Variants in IMMP2L observed in about 807,000 individuals in gnomAD.
The protein encoded by IMMP2L is mitochondrial inner membrane protease subunit 2.
In IMMP2L, 18 loss-of-function variants were observed where a neutral mutation model predicts 19.3. That is an observed-to-expected ratio of 0.93 (90% CI 0.64 to 1.38). The LOEUF is 1.38. Ranked by LOEUF, IMMP2L falls within the 40% of genes most tolerant of loss-of-function variation. The pLI, the probability that IMMP2L is intolerant of heterozygous loss-of-function variation, is 0.00. For synonymous variants in IMMP2L, 76 were observed against 73.0 expected (o/e 1.04, Z -0.21); for missense variants, 233 against 218.2 (o/e 1.07, Z -0.43).
chr7:110,758,492 T>A lies in IMMP2L; in HGVS notation c.409-94771A>T, dbSNP rs576404529. 2.0e-5 allele frequency among the ~76,000 whole-genome samples: 3 copies of A among 152,184 alleles called. No homozygotes were observed. The East Asian group carries it at 5.8e-4, about 30-fold the overall frequency. On this transcript the variant is annotated intron_variant, in intron 5 of 5. Transcript: ENST00000405709. The surrounding 1 kb of genome is among the most constrained non-coding windows in gnomAD (Gnocchi z 4.6). ...GAGCATAAGAATTGCTAAAGCCATG[T>A]CCTTGTAGGTGAAAGGGGATGAGTC...
At chr7:111,450,143 A>G (rs1324718186) in intron 3 of IMMP2L, among the ~76,000 whole-genome samples, 1 of 151,722 alleles carries the variant, frequency 6.6e-6, no homozygotes, top group East Asian at 1.9e-4. Flanking sequence ...GCCCAAGGTA[A>G]TTTACAGATT....
At chr7:111,103,097 C>T (rs185024019) in intron 3 of IMMP2L, among the ~76,000 whole-genome samples, 6 of 151,522 alleles carry the variant, frequency 4.0e-5, no homozygotes, top group Admixed American at 2.0e-4. Context: ...TAGCATTTTG[C>T]GTGAGTACTA....
chr7:110,833,625 TAGA>T (rs1187579638), intron 5 of IMMP2L, among the ~76,000 whole-genome samples: 1 of 152,124 alleles, frequency 6.6e-6, no homozygotes, highest in Non-Finnish European at 1.5e-5. Flanking sequence ...AGTTCAATAT[TAGA>T]AGACGATTTA....
At chr7:111,438,232 T>C (rs530982988) in intron 3 of IMMP2L, among the ~76,000 whole-genome samples, 7 of 151,692 alleles carry the variant, frequency 4.6e-5, no homozygotes, top group African/African-American at 1.7e-4. Context: ...TAGACACATA[T>C]CAATTATTTT....
At chr7:111,300,547 A>G (rs1822112361) in intron 3 of IMMP2L, among the ~76,000 whole-genome samples, 1 of 152,058 alleles carries the variant, frequency 6.6e-6, no homozygotes, top group South Asian at 2.1e-4. Flanking sequence ...ACACAGTCAA[A>G]ATATAAAACA....
At chr7:110,816,806 T>C (rs1562995262) in intron 5 of IMMP2L, among the ~76,000 whole-genome samples, 1 of 151,910 alleles carries the variant, frequency 6.6e-6, no homozygotes, top group Non-Finnish European at 1.5e-5. Context: ...TTTTTTTGTT[T>C]TCCATTTGCT....
intron 3 of IMMP2L, among the ~76,000 whole-genome samples, chr7:111,203,743 C>T (rs894442476): frequency 1.4e-5 from 2 of 148,124 alleles, no homozygotes; most frequent in African/African-American, 5.0e-5. Context: ...TACAACAAAT[C>T]AAAAAAACAA....
chr7:111,263,318 G>C (rs1348402351), intron 3 of IMMP2L, among the ~76,000 whole-genome samples: 1 of 152,054 alleles, frequency 6.6e-6, no homozygotes, highest in Non-Finnish European at 1.5e-5. Context: ...TCTGAAGAAA[G>C]AACCAAAAGG....
At chr7:111,543,127 C>T (rs745638976) in intron 1 of IMMP2L, among the ~76,000 whole-genome samples, 4 of 152,082 alleles carry the variant, frequency 2.6e-5, no homozygotes, top group Non-Finnish European at 4.4e-5. Context: ...ACTAGAAAAA[C>T]ATTTTACAGT....
Position 111,087,174 on chromosome 7 carries a change from G to C in IMMP2L, c.240-123609C>G, listed in dbSNP as rs1036072306. Among the ~76,000 whole-genome samples the C allele has an allele frequency of 5.9e-5, 9 of 152,238 alleles. No individual in the cohort carries two copies. The East Asian group carries it at 1.7e-3, about 29-fold the overall frequency. On this transcript the variant is annotated intron_variant, in intron 3 of 5. Transcript: ENST00000405709. ...AGGTAAAAATATCTATCTTTGCCGG[G>C]CGCGGTGGCTCACGCCTGTAATCTC...
intron 5 of IMMP2L, among the ~76,000 whole-genome samples, chr7:110,859,509 G>A (rs759573420): frequency 4.6e-5 from 7 of 151,738 alleles, no homozygotes; most frequent in Non-Finnish European, 7.4e-5. Flanking sequence ...TTGGGAGGCC[G>A]AGGCAGGCAG....
chr7:110,737,350 G>A (rs2130849951), intron 5 of IMMP2L, among the ~76,000 whole-genome samples: 1 of 152,324 alleles, frequency 6.6e-6, no homozygotes, highest in Non-Finnish European at 1.5e-5. Flanking sequence ...GTGGGAATGA[G>A]ACCAGCCTTT....
At chr7:111,015,708 T>C (rs1464372485) in intron 3 of IMMP2L, among the ~76,000 whole-genome samples, 9 of 152,092 alleles carry the variant, frequency 5.9e-5, no homozygotes, top group Non-Finnish European at 1.3e-4. Context: ...TGCTAATAGG[T>C]AGAGGGTTTC....
At chr7:110,915,294 AG>A (rs930552696) in intron 4 of IMMP2L, among the ~76,000 whole-genome samples, 3 of 152,222 alleles carry the variant, frequency 2.0e-5, no homozygotes, top group African/African-American at 4.8e-5. Flanking sequence ...ATAAAAAAGG[AG>A]GAAATCCTAT....
chr7:111,351,284 G>A (rs1447401485), intron 3 of IMMP2L, among the ~76,000 whole-genome samples: 1 of 152,138 alleles, frequency 6.6e-6, no homozygotes, highest in Non-Finnish European at 1.5e-5. Flanking sequence ...TCCGCCTCCT[G>A]GGTTCAAGCG....
intron 1 of IMMP2L, among the ~76,000 whole-genome samples, chr7:111,559,845 C>T (rs558627560): frequency 6.6e-6 from 1 of 152,062 alleles, no homozygotes; most frequent in South Asian, 2.1e-4. Flanking sequence ...CAAAGTGACA[C>T]AGCTAATAAA....
At chr7:111,488,571 C>T (rs1373230326) in intron 2 of IMMP2L, among the ~76,000 whole-genome samples, 1 of 152,134 alleles carries the variant, frequency 6.6e-6, no homozygotes, top group Non-Finnish European at 1.5e-5. Flanking sequence ...TTTATCCACT[C>T]GTTGACTGAT....
chr7:111,269,261 T>C (rs1460824556), intron 3 of IMMP2L, among the ~76,000 whole-genome samples: 5 of 152,218 alleles, frequency 3.3e-5, no homozygotes, highest in Admixed American at 3.3e-4. Context: ...ACCAGTCTTT[T>C]TCATATTATT....
chr7:110,743,204 T>C (rs2130877676), intron 5 of IMMP2L, among the ~76,000 whole-genome samples: 1 of 152,284 alleles, frequency 6.6e-6, no homozygotes, highest in South Asian at 2.1e-4. Flanking sequence ...TGGAGAGCTA[T>C]GTGGTCTCTA....
Sources: allele counts gnomAD v4.1 joint callset (sites outside exome capture counted in the v4.1 genomes callset), GRCh38; gene constraint gnomAD v4.1.1; non-coding constraint Gnocchi (gnomAD v3.1); transcripts MANE v1.5; gene names NCBI Gene and HGNC (gene_info 2026-07-23, HGNC 2026-07-21).